The following ENAH variants were observed in gnomAD, a reference collection of about 807,000 sequenced individuals.
The protein encoded by ENAH is ENAH actin regulator.
A neutral mutation model predicts 78.7 loss-of-function variants in ENAH; 23 were observed. The observed-to-expected ratio is 0.29, with a 90% confidence interval of 0.21 to 0.41. The LOEUF (loss-of-function observed/expected upper bound fraction) is 0.41, where lower values mean the gene tolerates loss of function less well. Ranked by LOEUF, ENAH falls within the 10% of genes least tolerant of loss-of-function variation. ENAH has a pLI of 1.00. For synonymous variants in ENAH, 226 were observed against 241.0 expected (o/e 0.94, Z 0.58); for missense variants, 544 against 691.0 (o/e 0.79, Z 2.39).
chr1:225,518,988 C>T, intron 5 of ENAH: 3 of 752,792 alleles, frequency 4.0e-6, no homozygotes, highest in Non-Finnish European at 5.9e-6. Flanking sequence ...TTTCCAAGAG[C>T]TTTCTTTAAG....
rs1297753304 is a variant in ENAH at position 225,517,748 on chromosome 1, G to A, written c.803-442C>T. On this transcript the variant is annotated intron_variant, in intron 5 of 13. Coordinates refer to ENST00000366843, the MANE Select transcript of ENAH (RefSeq NM_018212.6). ...AGAGGACGAGGAACTGTAGCGTAATGGGGAAGAACAGGGTGGAAGGCTGAA... is the reference window on the plus strand; with the variant it reads ...AGAGGACGAGGAACTGTAGCGTAATAGGGAAGAACAGGGTGGAAGGCTGAA... 2.6e-6 allele frequency: 4 copies of A among 1,551,204 alleles called. No homozygotes were observed. In the African/African-American group the frequency reaches 4.1e-5, roughly 16 times the overall value.
intron 10 of ENAH, among the ~76,000 whole-genome samples, chr1:225,510,440 C>T (rs759447866): frequency 4.6e-5 from 7 of 152,078 alleles, no homozygotes; most frequent in Admixed American, 6.5e-5. Flanking sequence ...AACATCTATG[C>T]GGTACTAATG....
rs2096219543 is a variant in ENAH, at chr1:225,490,969, T to A, written c.*6806A>T. 3 of 152,206 alleles carry A rather than the reference T, an allele frequency of 2.0e-5. No homozygotes were observed. The South Asian group carries it at 6.2e-4, about 32-fold the overall frequency. The allele number at this position is 152,206 out of a possible 1,614,324, so 9.4% of individuals were successfully genotyped here. ...TCAAATGGGGTTTGTGAATCCATGG[T>A]TAAGCTAGCCTGCCACCAAGGATGG... On this transcript the variant is annotated 3_prime_UTR_variant, in exon 14 of 14. Coordinates refer to ENST00000366843, the MANE Select transcript of ENAH (RefSeq NM_018212.6).
At chr1:225,544,384 A>T (rs2151349880) in intron 3 of ENAH, among the ~76,000 whole-genome samples, 1 of 152,360 alleles carries the variant, frequency 6.6e-6, no homozygotes, top group South Asian at 2.1e-4. Flanking sequence ...CTATTGTAAA[A>T]TAAGCCTGGA....
intron 3 of ENAH, among the ~76,000 whole-genome samples, chr1:225,534,413 C>CT (rs1186330153): frequency 3.3e-5 from 5 of 151,936 alleles, no homozygotes; most frequent in African/African-American, 9.7e-5. Context: ...CTTTTCTTTC[C>CT]TTTTTTCTTT....
intron 1 of ENAH, among the ~76,000 whole-genome samples, chr1:225,573,381 G>T (rs761386068): frequency 6.6e-6 from 1 of 152,064 alleles, no homozygotes; most frequent in Non-Finnish European, 1.5e-5. Flanking sequence ...CCCAAAGCCA[G>T]AACTAATTGC....
intron 11 of ENAH, among the ~76,000 whole-genome samples, chr1:225,506,869 C>G (rs916454408): frequency 2.6e-5 from 4 of 152,134 alleles, no homozygotes. Context: ...TAAAGTCTAT[C>G]CCTGTACTTA....
At position 225,491,587 on chromosome 1, in the gene ENAH, T is replaced by C. The variant is rs1249771056; in HGVS notation, c.*6188A>G. 1 of 152,196 alleles carries C rather than the reference T, an allele frequency of 6.6e-6. No homozygotes were observed. The highest frequency in any genetic ancestry group is 1.5e-5 in the Non-Finnish European group (1 of 68,040). The allele number at this position is 152,196 out of a possible 1,614,324, so 9.4% of individuals were successfully genotyped here. The stretch of plus-strand genomic sequence containing the variant: ...CCAAATTTTTAAAAGCGTTCTGTAA[T>C]GTATCTCTCTTATATGGTTGCAACA... On this transcript the variant is annotated 3_prime_UTR_variant, in exon 14 of 14. Transcript: ENST00000366843.
chr1:225,534,934 G>A, intron 3 of ENAH, among the ~76,000 whole-genome samples: 1 of 152,184 alleles, frequency 6.6e-6, no homozygotes, highest in East Asian at 1.9e-4. Context: ...GTGTATATGA[G>A]AGTGAGAGTG....
intron 4 of ENAH, among the ~76,000 whole-genome samples, chr1:225,530,345 A>C (rs1479336140): frequency 6.6e-6 from 1 of 152,218 alleles, no homozygotes; most frequent in African/African-American, 2.4e-5. Flanking sequence ...TTTACAAAAA[A>C]AAACACATAT....
At chr1:225,562,058 G>A (rs2096708834) in intron 2 of ENAH, among the ~76,000 whole-genome samples, 1 of 152,014 alleles carries the variant, frequency 6.6e-6, no homozygotes, top group African/African-American at 2.4e-5. Flanking sequence ...GAGTAGCTGG[G>A]ATTACAGGCG....
intron 11 of ENAH, among the ~76,000 whole-genome samples, chr1:225,507,437 T>C (rs1227204519): frequency 6.6e-6 from 1 of 152,106 alleles, no homozygotes; most frequent in Admixed American, 6.6e-5. Flanking sequence ...ATGTTAAATT[T>C]CTTGAGAGTA....
At chr1:225,652,231 CT>C in intron 1 of ENAH, 1 of 700,532 alleles carries the variant, frequency 1.4e-6, no homozygotes, top group Non-Finnish European at 1.8e-6. Flanking sequence ...GATTTCAGAC[CT>C]TTCAAACTTT....
intron 4 of ENAH, among the ~76,000 whole-genome samples, chr1:225,527,821 T>C (rs767953920): frequency 6.6e-6 from 1 of 152,242 alleles, no homozygotes; most frequent in East Asian, 1.9e-4. Flanking sequence ...ATTGCCTCTT[T>C]AGGCACAGCT....
chr1:225,519,407 C>G lies in ENAH; in HGVS notation c.593G>C (p.Arg198Pro). 2.5e-6 allele frequency: 4 copies of G among 1,608,086 alleles called. No homozygotes were observed. Among genetic ancestry groups the G allele is most frequent in the Non-Finnish European group, 2.5e-6 (3 of 1,178,174 alleles). The change falls in exon 5 of 14, where the codon CGG (arginine) becomes CCG (proline). Residue 198 changes from arginine to proline, a missense_variant. By Grantham distance (103) the Arg-to-Pro change is moderately radical. Around this residue, in one of 4 missense-constraint regions of ENAH, gnomAD observed 366 missense variants for 396.1 expected, o/e 0.92. Transcript: ENST00000366843. ...QEQLERERQE[R>P]ERQERLERQE... The stretch of plus-strand genomic sequence containing the variant: ...CCGCTCCAGGCGTTCCTGCCGTTCC[C>G]GTTCTTGTCTCTCTCTCTCCAGCTG...
chr1:225,505,110 T>C, intron 11 of ENAH: 1 of 1,335,444 alleles, frequency 7.5e-7, no homozygotes. Flanking sequence ...AAAATAATTC[T>C]CATTATGTTA....
At chr1:225,546,072 C>T (rs991518377) in intron 3 of ENAH, among the ~76,000 whole-genome samples, 10 of 151,922 alleles carry the variant, frequency 6.6e-5, no homozygotes, top group East Asian at 5.8e-4. Flanking sequence ...TATAGATGTA[C>T]GCCATCATGC....
chr1:225,521,050 A>ACG lies in ENAH; in HGVS notation c.435-1487_435-1486dup, dbSNP rs763760412. Among the ~76,000 whole-genome samples the ACG allele has an allele frequency of 1.3e-4, 19 of 151,978 alleles. No homozygotes were observed. In the East Asian group the frequency reaches 1.5e-3, roughly 12 times the overall value. Reference sequence around the variant, plus strand: ...TGTACAACTCTGGATGGACACACGCACGCGCGCGCACACACACACAGAGTT... The same window carrying ACG: ...TGTACAACTCTGGATGGACACACGCACGCGCGCGCGCACACACACACAGAGTT... On this transcript the variant is annotated intron_variant, in intron 4 of 13. Coordinates refer to ENST00000366843, the MANE Select transcript of ENAH (RefSeq NM_018212.6).
chr1:225,642,856 C>T (rs375710534), intron 1 of ENAH, among the ~76,000 whole-genome samples: 5 of 152,172 alleles, frequency 3.3e-5, no homozygotes, highest in African/African-American at 1.2e-4. Context: ...AGAGACCCTA[C>T]AGGTAATCAA....
Sources: allele counts gnomAD v4.1 joint callset (sites outside exome capture counted in the v4.1 genomes callset), GRCh38; gene constraint gnomAD v4.1.1; regional missense constraint gnomAD v4.1.1; transcripts MANE v1.5; gene names NCBI Gene and HGNC (gene_info 2026-07-23, HGNC 2026-07-21).